Variants in IFT43 observed in about 807,000 individuals in gnomAD.
The protein encoded by IFT43 is intraflagellar transport 43.
Under a neutral mutation model 32.3 loss-of-function variants are expected in IFT43, and 33 were observed. The observed-to-expected ratio is 1.02, with a 90% confidence interval of 0.77 to 1.37. The LOEUF (loss-of-function observed/expected upper bound fraction) is 1.37. Ranked by LOEUF, IFT43 falls within the 40% of genes most tolerant of loss-of-function variation. The pLI is 0.00. For synonymous variants in IFT43, 93 were observed against 98.2 expected, an observed-to-expected ratio of 0.95 and a Z score of 0.31; for missense variants, 274 against 265.9, an observed-to-expected ratio of 1.03 and a Z score of -0.21.
chr14:76,073,443 A>C (rs1030942163), intron 5 of IFT43, among the ~76,000 whole-genome samples: 1 of 152,224 alleles, frequency 6.6e-6, no homozygotes, highest in Non-Finnish European at 1.5e-5. Context: ...CAAAACCTAC[A>C]TAGGGCAGAA....
chr14:76,040,839 C>T (rs1208331186), intron 3 of IFT43, among the ~76,000 whole-genome samples: 1 of 152,194 alleles, frequency 6.6e-6, no homozygotes, highest in African/African-American at 2.4e-5. Context: ...GCACCCGATC[C>T]CCTAGGGAGG....
intron 3 of IFT43, among the ~76,000 whole-genome samples, chr14:76,025,369 G>A (rs2036371090): frequency 6.6e-6 from 1 of 151,940 alleles, no homozygotes; most frequent in African/African-American, 2.4e-5. Context: ...TGACCATACA[G>A]GCAAAAGCAA....
At chr14:76,039,046 A>G (rs187434246) in intron 3 of IFT43, among the ~76,000 whole-genome samples, 77 of 152,116 alleles carry the variant, frequency 5.1e-4, no homozygotes, top group South Asian at 2.1e-3. Context: ...AAAAGTAAGC[A>G]TTTGTTCATT....
rs538953417 is a variant in IFT43 at position 76,082,039 on chromosome 14, C to A, written c.296-256C>A. Among the ~76,000 whole-genome samples the A allele has an allele frequency of 2.0e-4, 31 of 152,274 alleles. 1 individual carries two copies. In the South Asian group the frequency reaches 6.4e-3, roughly 32 times the overall value. ...TGCACGCGTCAGAATCACCAAGGAACGCCTGGGAAAAAAATCTGGATGCTT... is the reference window on the plus strand; with the variant it reads ...TGCACGCGTCAGAATCACCAAGGAAAGCCTGGGAAAAAAATCTGGATGCTT... On this transcript the variant is annotated intron_variant, in intron 5 of 8. Transcript: ENST00000314067.
At chr14:76,022,618 A>G in intron 3 of IFT43, 1 of 389,130 alleles carries the variant, frequency 2.6e-6, no homozygotes, top group Admixed American at 4.2e-5. Context: ...CCTCCCCACC[A>G]AAAGAAACCC....
intron 5 of IFT43, among the ~76,000 whole-genome samples, chr14:76,070,979 A>G (rs1377305808): frequency 6.6e-6 from 1 of 152,156 alleles, no homozygotes; most frequent in African/African-American, 2.4e-5. Context: ...AGAATGGCCT[A>G]ACACACTACT....
chr14:76,018,849 C>G (rs61979196), intron 2 of IFT43, among the ~76,000 whole-genome samples: 49,335 of 151,628 alleles, frequency 0.33, 9,415 homozygotes, highest in East Asian at 0.42. Context: ...CTCCTGCTTG[C>G]TTTGGGTTCT....
At chr14:76,039,605 A>C (rs1274855629) in intron 3 of IFT43, among the ~76,000 whole-genome samples, 3 of 152,338 alleles carry the variant, frequency 2.0e-5, no homozygotes, top group African/African-American at 7.2e-5. Context: ...GTCTTTGTAT[A>C]ACATCGTGTC....
Position 76,059,451 on chromosome 14 carries a change from G to C in IFT43, c.295+78G>C, listed in dbSNP as rs953032947. 41 of 1,348,894 alleles carry C rather than the reference G, an allele frequency of 3.0e-5. No homozygotes were observed. In the African/African-American group the frequency reaches 5.9e-4, roughly 19 times the overall value. The allele number at this position is 1,348,894 out of a possible 1,614,324, so 83.6% of individuals were successfully genotyped here. A position where few individuals can be genotyped will look rare whatever the true frequency, so the allele number is the denominator to read the frequency against. On this transcript the variant is annotated intron_variant, in intron 5 of 8. Coordinates refer to ENST00000314067, the MANE Select transcript of IFT43 (RefSeq NM_001102564.3). ...TTTCCTGGGCTACAGCTAAGGCACT[G>C]TTGGCTGCAGCATCACTGAAGACAT...
At chr14:76,072,352 C>T (rs1212361766) in intron 5 of IFT43, among the ~76,000 whole-genome samples, 1 of 152,120 alleles carries the variant, frequency 6.6e-6, no homozygotes, top group African/African-American at 2.4e-5. Flanking sequence ...CATCACTGGG[C>T]CATGAGACTT....
At chr14:76,075,521 C>T (rs961189678) in intron 5 of IFT43, among the ~76,000 whole-genome samples, 1 of 152,268 alleles carries the variant, frequency 6.6e-6, no homozygotes, top group Admixed American at 6.5e-5. Context: ...ATTATTTATA[C>T]GATTGAGATC....
At chr14:76,009,953 C>A (rs184313844) in intron 2 of IFT43, among the ~76,000 whole-genome samples, 7 of 152,210 alleles carry the variant, frequency 4.6e-5, no homozygotes, top group Admixed American at 3.3e-4. Flanking sequence ...TGCCACCGTG[C>A]CTGGCCAATT....
chr14:76,043,785 C>A (rs1423522433), intron 3 of IFT43, among the ~76,000 whole-genome samples: 1 of 152,176 alleles, frequency 6.6e-6, no homozygotes, highest in Non-Finnish European at 1.5e-5. Flanking sequence ...CAGTTTTACT[C>A]AATTCTGACG....
chr14:76,028,683 T>A (rs1174397932), intron 3 of IFT43, among the ~76,000 whole-genome samples: 2 of 152,176 alleles, frequency 1.3e-5, no homozygotes, highest in Admixed American at 1.3e-4. Context: ...AGGATTTAGC[T>A]CCTACTTATA....
At chr14:76,083,812 A>C, downstream of IFT43, 1 of 663,070 alleles carries the variant, frequency 1.5e-6, no homozygotes. Flanking sequence ...CTTTTAAACC[A>C]GCTGATAGGA....
At chr14:76,010,904 CTT>C (rs759636307) in intron 2 of IFT43, among the ~76,000 whole-genome samples, 51 of 139,852 alleles carry the variant, frequency 3.6e-4, no homozygotes, top group Non-Finnish European at 4.4e-4. Flanking sequence ...CTCACTTCTC[CTT>C]TTTTTTTTTT....
chr14:76,069,748 A>C (rs1223755343), intron 5 of IFT43, among the ~76,000 whole-genome samples: 2 of 152,184 alleles, frequency 1.3e-5, no homozygotes, highest in Admixed American at 6.5e-5. Context: ...ACAGGAGCCC[A>C]AAAAAAGGAC....
At chr14:76,074,777 G>A (rs1013670176) in intron 5 of IFT43, among the ~76,000 whole-genome samples, 1 of 152,084 alleles carries the variant, frequency 6.6e-6, no homozygotes, top group African/African-American at 2.4e-5. Context: ...CCAAGTCGAC[G>A]TGCTTGTAAA....
At chr14:76,031,339 G>A (rs1351435008) in intron 3 of IFT43, among the ~76,000 whole-genome samples, 1 of 152,120 alleles carries the variant, frequency 6.6e-6, no homozygotes, top group African/African-American at 2.4e-5. Flanking sequence ...AGTGATTTGA[G>A]AAGCCACCTT....
Sources: allele counts gnomAD v4.1 joint callset (sites outside exome capture counted in the v4.1 genomes callset), GRCh38; gene constraint gnomAD v4.1.1; transcripts MANE v1.5; gene names NCBI Gene and HGNC (gene_info 2026-07-23, HGNC 2026-07-21).